SEMA3D: variants seen among roughly 807,000 people sequenced by gnomAD.
SEMA3D encodes the protein semaphorin-3D.
Under a neutral mutation model 100.1 loss-of-function variants are expected in SEMA3D, and 84 were observed. The ratio of observed to expected loss-of-function variants is 0.84; its 90% CI spans 0.70 to 1.01. The LOEUF (loss-of-function observed/expected upper bound fraction) is 1.01. SEMA3D is among the 50% of genes least tolerant of loss of function. The pLI is 0.00. For missense variants in SEMA3D, 875 were observed against 934.1 expected (o/e 0.94, Z 0.82); for synonymous variants, 312 against 320.7 (o/e 0.97, Z 0.29).
At chr7:85,014,918 A>G in intron 16 of SEMA3D, 141 bp downstream of exon 16, 3 of 563,190 alleles carry the variant, frequency 5.3e-6, no homozygotes, top group Non-Finnish European at 8.6e-6. Flanking sequence ...ATATAAAACA[A>G]CATTTTGATT....
intron 8 of SEMA3D, among the ~76,000 whole-genome samples, chr7:85,059,536 T>A (rs1466842172): frequency 6.6e-6 from 1 of 152,184 alleles, no homozygotes; most frequent in Non-Finnish European, 1.5e-5. Context: ...CAGTGTCCTG[T>A]CAAACCTACA....
the SEMA3D span, among the ~76,000 whole-genome samples, chr7:85,244,389 A>T: frequency 6.6e-6 from 1 of 152,054 alleles, no homozygotes; most frequent in African/African-American, 2.4e-5. Context: ...TTCCACCAAC[A>T]CTGCCATATT....
the SEMA3D span, among the ~76,000 whole-genome samples, chr7:85,207,477 C>A: frequency 6.6e-6 from 1 of 151,960 alleles, no homozygotes; most frequent in African/African-American, 2.4e-5. Flanking sequence ...GATATTTTTT[C>A]AAAGTGCAAA....
rs1390581523 is a variant in SEMA3D at position 84,997,973 on chromosome 7, G to T, written c.*1467C>A. 1 of 152,144 alleles carries T rather than the reference G, an allele frequency of 6.6e-6. No individual in the cohort carries two copies. The highest frequency in any genetic ancestry group is 1.5e-5 in the Non-Finnish European group (1 of 68,002). 9.4% of individuals were successfully genotyped at this position (152,144 alleles called of 1,614,324 possible). Reference sequence around the variant, plus strand: ...TTGAAAGTACTAACAAAATATGAAAGATGTTTATGTTAATATTGTGAGTTT... The same window carrying T: ...TTGAAAGTACTAACAAAATATGAAATATGTTTATGTTAATATTGTGAGTTT... On this transcript the variant is annotated 3_prime_UTR_variant, in exon 19 of 19. Transcript: ENST00000284136.
intron 8 of SEMA3D, among the ~76,000 whole-genome samples, chr7:85,058,591 C>CA (rs768752803): frequency 5.9e-5 from 9 of 151,482 alleles, no homozygotes; most frequent in African/African-American, 2.2e-4. Flanking sequence ...ACTAAAAATA[C>CA]AAAAAAATTA....
At chr7:85,130,435 C>G (rs1789695408) in intron 2 of SEMA3D, among the ~76,000 whole-genome samples, 1 of 152,158 alleles carries the variant, frequency 6.6e-6, no homozygotes, top group Non-Finnish European at 1.5e-5. Flanking sequence ...ACTGTTCCAA[C>G]CCACTTGTAT....
At chr7:85,152,916 C>G (rs1321048182) in intron 2 of SEMA3D, among the ~76,000 whole-genome samples, 1 of 152,090 alleles carries the variant, frequency 6.6e-6, no homozygotes, top group African/African-American at 2.4e-5. Flanking sequence ...AACTGGGACA[C>G]TGTGACATGT....
chr7:85,013,617 A>G (rs1238327073), intron 16 of SEMA3D, among the ~76,000 whole-genome samples: 1 of 151,818 alleles, frequency 6.6e-6, no homozygotes, highest in African/African-American at 2.4e-5. Context: ...GAAAAGTACC[A>G]GTAAATGTTC....
intron 15 of SEMA3D, among the ~76,000 whole-genome samples, chr7:85,015,614 G>A (rs538661785): frequency 9.9e-5 from 15 of 151,840 alleles, no homozygotes; most frequent in South Asian, 2.1e-4. Flanking sequence ...TATAAGAGAC[G>A]ACTGAAAATA....
At chr7:85,074,206 C>A (rs989071601) in intron 5 of SEMA3D, among the ~76,000 whole-genome samples, 1 of 152,224 alleles carries the variant, frequency 6.6e-6, no homozygotes, top group African/African-American at 2.4e-5. Context: ...AAGTTGGTAA[C>A]CTGAGAAACC....
chr7:85,042,023 C>A, intron 10 of SEMA3D, 148 bp downstream of exon 10: 2 of 664,710 alleles, frequency 3.0e-6, no homozygotes, highest in Non-Finnish European at 5.4e-6. Flanking sequence ...CTTCCGTGTA[C>A]TTTGCGTGTG....
chr7:85,043,216 A>G (rs1488342582), intron 9 of SEMA3D, among the ~76,000 whole-genome samples: 1 of 151,938 alleles, frequency 6.6e-6, no homozygotes, highest in Non-Finnish European at 1.5e-5. Context: ...AAATTCAGTC[A>G]TGTGTGGTGG....
the SEMA3D span, among the ~76,000 whole-genome samples, chr7:85,237,014 T>C: frequency 2.6e-5 from 4 of 152,218 alleles, no homozygotes; most frequent in Non-Finnish European, 5.9e-5. Flanking sequence ...TGTAATAATA[T>C]ACTAAAAAAT....
intron 3 of SEMA3D, among the ~76,000 whole-genome samples, chr7:85,099,275 T>C (rs1410165344): frequency 6.6e-6 from 1 of 151,836 alleles, no homozygotes; most frequent in East Asian, 1.9e-4. Context: ...GGGGGTGGTT[T>C]CCCCATACTG....
chr7:85,012,762 C>G lies in SEMA3D; in HGVS notation c.1768+20G>C, dbSNP rs1421074117. 4 of 1,587,500 alleles carry G rather than the reference C, an allele frequency of 2.5e-6. No homozygotes were observed. The highest frequency in any genetic ancestry group is 3.5e-6 in the Non-Finnish European group (4 of 1,157,894). ...TTAGCATTTTAAATGGGAGAAAAAG[C>G]ATATCAGAGCTGTACTTACTGTCTT... On this transcript the variant is annotated intron_variant, in intron 17 of 18. Transcript: ENST00000284136.
At chr7:85,224,512 T>C in the SEMA3D span, among the ~76,000 whole-genome samples, 1 of 152,218 alleles carries the variant, frequency 6.6e-6, no homozygotes, top group East Asian at 1.9e-4. Flanking sequence ...ACTTTGTAGG[T>C]AAAAAAAGTG....
At chr7:85,138,442 C>T (rs1041585705) in intron 2 of SEMA3D, among the ~76,000 whole-genome samples, 2 of 151,736 alleles carry the variant, frequency 1.3e-5, no homozygotes, top group African/African-American at 4.8e-5. Context: ...GTGTGCACCA[C>T]CATGCCTGGC....
At chr7:85,150,222 A>G (rs1002625023) in intron 2 of SEMA3D, among the ~76,000 whole-genome samples, 3 of 151,182 alleles carry the variant, frequency 2.0e-5, no homozygotes, top group Non-Finnish European at 4.4e-5. Context: ...CCTTAACTGT[A>G]ATAGTCAGAA....
At chr7:85,023,769 A>G (rs1028869558) in intron 12 of SEMA3D, among the ~76,000 whole-genome samples, 1 of 152,024 alleles carries the variant, frequency 6.6e-6, no homozygotes, top group Admixed American at 6.6e-5. Context: ...TTTGACTTTG[A>G]CCCCAAATTT....
Sources: gnomAD v4.1 joint callset for allele counts (sites outside exome capture counted in the v4.1 genomes callset) on GRCh38, gnomAD v4.1.1 for gene constraint, MANE v1.5 for transcripts, NCBI Gene and HGNC (gene_info 2026-07-23, HGNC 2026-07-21) for gene names.